PIEZO1: variants seen among roughly 807,000 people sequenced by gnomAD.
PIEZO1 encodes the protein piezo-type mechanosensitive ion channel component 1.
Under a neutral mutation model 297.2 loss-of-function variants are expected in PIEZO1, and 296 were observed. That is an observed-to-expected ratio of 1.00 (90% CI 0.91 to 1.10). The LOEUF (loss-of-function observed/expected upper bound fraction) is 1.10, where lower values mean the gene tolerates loss of function less well. PIEZO1 is among the 50% of genes least tolerant of loss of function. PIEZO1 has a pLI of 0.00. For synonymous variants in PIEZO1, 2,427 were observed against 1,507.5 expected (o/e 1.61, Z -14.13); for missense variants, 5,018 against 3,455.5 (o/e 1.45, Z -11.34).
At chr16:88,749,075 A>G (rs1276067256) in intron 2 of PIEZO1, among the ~76,000 whole-genome samples, 5 of 151,752 alleles carry the variant, frequency 3.3e-5, no homozygotes, top group Admixed American at 2.6e-4. Flanking sequence ...GTCTCTACTA[A>G]AAATACAAAA....
chr16:88,740,011 G>A (rs1244572715), intron 5 of PIEZO1: 1 of 146,154 alleles, frequency 6.8e-6, no homozygotes, highest in East Asian at 1.9e-4. Flanking sequence ...CGAGGGGCAG[G>A]CCCGGCCCTG....
intron 1 of PIEZO1, among the ~76,000 whole-genome samples, chr16:88,779,785 C>T (rs1907845785): frequency 6.6e-6 from 1 of 152,222 alleles, no homozygotes; most frequent in Non-Finnish European, 1.5e-5. Flanking sequence ...GTGGCCCCTT[C>T]CCCTCAGCTC....
intron 39 of PIEZO1, among the ~76,000 whole-genome samples, 158 bp from the exon 40 acceptor site, chr16:88,720,906 C>T (rs999168697): frequency 2.0e-5 from 3 of 152,178 alleles, no homozygotes; most frequent in African/African-American, 7.2e-5. Context: ...ACAGCTGGGG[C>T]TGTGTCCTCT....
chr16:88,728,577 G>C (rs1398623252), intron 22 of PIEZO1, among the ~76,000 whole-genome samples: 2 of 86,316 alleles, frequency 2.3e-5, no homozygotes, highest in African/African-American at 9.3e-5. Flanking sequence ...CCTCGATGTT[G>C]GGGAACCCAG....
At chr16:88,743,395 TG>T in intron 2 of PIEZO1, 1 of 447,418 alleles carries the variant, frequency 2.2e-6, no homozygotes, top group Non-Finnish European at 4.5e-6. Context: ...GCCCTCACCC[TG>T]GGGCAGCAAC....
In PIEZO1 at chr16:88,723,308, C is replaced by G. The variant is rs557970560; in HGVS notation, c.4356G>C (p.Val1452=). 5.0e-4 allele frequency: 767 copies of G among 1,539,276 alleles called. 4 individuals are homozygous for G. In the African/African-American group the frequency reaches 9.5e-3, roughly 19 times the overall value. The change falls in exon 32 of 51, where the codon GTG becomes GTC. Residue 1452 remains valine (V), a synonymous_variant. Transcript: ENST00000301015. ...SAFQLAYQAW[V]TNAQAVLRRR... is the part of the protein sequence containing the mutation. ...GCCTCAGCACCGCCTGGGCGTTGGT[C>G]ACCCATGCCTGGTACGCCAGCTGTC...
chr16:88,757,449 A>G (rs1288146057), intron 1 of PIEZO1, among the ~76,000 whole-genome samples: 2 of 151,888 alleles, frequency 1.3e-5, no homozygotes, highest in Non-Finnish European at 2.9e-5. Context: ...CAGGTCTCCA[A>G]AAGGACTGAC....
Position 88,721,549 on chromosome 16 carries a change from A to T in PIEZO1, c.5392T>A (p.Ser1798Thr). 1 of 1,549,080 alleles carries T rather than the reference A, an allele frequency of 6.5e-7. No homozygotes were observed. The change falls in exon 38 of 51, where the codon TCC becomes ACC. Residue 1798 changes from serine (S) to threonine (T), a missense_variant. Coordinates refer to ENST00000301015, the MANE Select transcript of PIEZO1 (RefSeq NM_001142864.4). ...AGGCTCACACTCACCAGCAGCTGGG[A>T]GCGGTGGAAGAAAAGGGCCATGAGC... ...VQLMALFFHR[S>T]QLLCYGLWDH...
At chr16:88,772,563 G>A (rs1052702308) in intron 1 of PIEZO1, among the ~76,000 whole-genome samples, 3 of 152,024 alleles carry the variant, frequency 2.0e-5, no homozygotes, top group Non-Finnish European at 4.4e-5. Flanking sequence ...AGCAGATCAC[G>A]AGGTCAACAG....
In PIEZO1 at chr16:88,716,624, C is replaced by A. The variant is rs1912057331; in HGVS notation, c.6861G>T (p.Gln2287His). ...TGCCGTTGTAGAGCTCCCGCTTCAT[C>A]TGGGCACGGCTGGGGGGACTGATGC... ...LWRISPPSRA[Q>H]MKRELYNGTA... is the part of the protein sequence containing the mutation. Residue 2287 changes from glutamine (Q) to histidine (H), a missense_variant, in exon 47 of 51, where the codon CAG becomes CAT. Coordinates refer to ENST00000301015, the MANE Select transcript of PIEZO1 (RefSeq NM_001142864.4). 1 of 1,549,798 alleles carries A rather than the reference C, an allele frequency of 6.5e-7. No homozygotes were observed. The highest frequency in any genetic ancestry group is 1.2e-5 in the South Asian group (1 of 84,044).
chr16:88,726,637 C>A lies in PIEZO1; in HGVS notation c.3706G>T (p.Ala1236Ser). ...IISKNMLSLLACVFVEQMQTG... is the reference protein window; with the variant it reads ...IISKNMLSLLSCVFVEQMQTG... ...TGCATCTGCTCCACGAAGACGCAGG[C>A]CAGGAGCTGGGGGAGAGCAGGGTCA... Residue 1236 changes from alanine to serine, a missense_variant, in exon 26 of 51, where the codon GCC becomes TCC. Transcript: ENST00000301015. 1 of 1,441,884 alleles carries A rather than the reference C, an allele frequency of 6.9e-7. No individual in the cohort carries two copies. Among genetic ancestry groups the A allele is most frequent in the South Asian group, 1.2e-5 (1 of 82,332 alleles). The allele number at this position is 1,441,884 out of a possible 1,614,324, so 89.3% of individuals were successfully genotyped here.
intron 35 of PIEZO1, 75 bp from the exon 36 acceptor site, chr16:88,722,472 A>C (rs551249522): frequency 3.0e-5 from 43 of 1,446,314 alleles, no homozygotes; most frequent in Middle Eastern, 3.6e-4. Context: ...GTCAGGGTGG[A>C]AAGTGCCCAC....
intron 12 of PIEZO1, among the ~76,000 whole-genome samples, 167 bp downstream of exon 12, chr16:88,735,981 C>A (rs1020966628): frequency 5.3e-5 from 8 of 152,212 alleles, no homozygotes; most frequent in African/African-American, 1.9e-4. Context: ...AACAAACGCT[C>A]ACTGAGAAGC....
intron 44 of PIEZO1, 128 bp downstream of exon 44, chr16:88,719,446 T>G: frequency 4.8e-6 from 4 of 841,362 alleles, no homozygotes; most frequent in Middle Eastern, 2.4e-4. Context: ...GCTCGCCTCA[T>G]GTCCCCATGG....
At chr16:88,729,499 G>C (rs1377807974) in intron 22 of PIEZO1, among the ~76,000 whole-genome samples, 3 of 116,312 alleles carry the variant, frequency 2.6e-5, no homozygotes, top group Non-Finnish European at 5.6e-5. Flanking sequence ...AAAACAAAGT[G>C]ACCCTCGATG....
At chr16:88,728,057 G>C (rs572241059) in intron 22 of PIEZO1, among the ~76,000 whole-genome samples, 1 of 152,388 alleles carries the variant, frequency 6.6e-6, no homozygotes, top group East Asian at 1.9e-4. Flanking sequence ...CCACAGCTGG[G>C]AACGCGCTGC....
In PIEZO1 at chr16:88,726,698, G is replaced by A. The variant is rs904328242; in HGVS notation, c.3699+17C>T. On this transcript the variant is annotated intron_variant, in intron 25 of 50. Coordinates refer to ENST00000301015, the MANE Select transcript of PIEZO1 (RefSeq NM_001142864.4). ...CGGGGCCCCAGGGCGGTGGGTGCGG[G>A]GGGGCCGGAGGCTCACCGACAGCAT... is the stretch of plus-strand genomic sequence containing the variant. The A allele has an allele frequency of 1.1e-5, 15 of 1,327,486 alleles. No individual in the cohort carries two copies. The highest frequency in any genetic ancestry group is 2.6e-5 in the South Asian group (2 of 77,606). The allele number at this position is 1,327,486 out of a possible 1,614,324, so 82.2% of individuals were successfully genotyped here. A position where few individuals can be genotyped will look rare whatever the true frequency, so the allele number is the denominator to read the frequency against.
chr16:88,716,310 C>G, intron 48 of PIEZO1, 33 bp from the exon 49 acceptor site: 1 of 1,495,628 alleles, frequency 6.7e-7, no homozygotes, highest in Non-Finnish European at 9.0e-7. Flanking sequence ...CAGGCCTGGC[C>G]CAGCCAACCT....
chr16:88,734,191 A>G (rs1905058400), intron 16 of PIEZO1, 137 bp from the exon 17 acceptor site: 2 of 1,243,608 alleles, frequency 1.6e-6, no homozygotes, highest in Non-Finnish European at 2.2e-6. Flanking sequence ...ACTCATGCCC[A>G]CTGTCCCTGT....
Sources: allele counts gnomAD v4.1 joint callset (sites outside exome capture counted in the v4.1 genomes callset), GRCh38; gene constraint gnomAD v4.1.1; transcripts MANE v1.5; gene names NCBI Gene and HGNC (gene_info 2026-07-23, HGNC 2026-07-21).